Variants in KCNN3 observed in about 807,000 individuals in gnomAD.
KCNN3 encodes the protein potassium calcium-activated channel subfamily N member 3, also known as small conductance calcium-activated potassium channel protein 3.
In KCNN3, 16 loss-of-function variants were observed where a neutral mutation model predicts 62.9. That is an observed-to-expected ratio of 0.25 (90% CI 0.17 to 0.39). The LOEUF (loss-of-function observed/expected upper bound fraction) is 0.39, where lower values mean the gene tolerates loss of function less well. Ranked by LOEUF, KCNN3 falls within the 10% of genes least tolerant of loss-of-function variation. KCNN3 has a pLI of 1.00. For synonymous variants in KCNN3, 370 were observed against 389.2 expected (o/e 0.95, Z 0.58); for missense variants, 599 against 949.4 (o/e 0.63, Z 4.85).
At chr1:154,852,184 C>T (rs1419723179) in intron 1 of KCNN3, among the ~76,000 whole-genome samples, 1 of 151,444 alleles carries the variant, frequency 6.6e-6, no homozygotes, top group Non-Finnish European at 1.5e-5. Flanking sequence ...AGTACGTTTT[C>T]AACAACTTGA....
At chr1:154,771,884 C>A (rs778062667) in intron 3 of KCNN3, 91 bp downstream of exon 3, 29 of 1,294,300 alleles carry the variant, frequency 2.2e-5, no homozygotes, top group African/African-American at 4.4e-5. Context: ...CTGTCTCCTC[C>A]ATCAGACCAC....
chr1:154,841,083 C>G (rs1020042849), intron 1 of KCNN3, among the ~76,000 whole-genome samples: 1 of 152,198 alleles, frequency 6.6e-6, no homozygotes, highest in Admixed American at 6.5e-5. Flanking sequence ...TGAGGCCTGC[C>G]CTAGGGCTGC....
At chr1:154,808,811 G>A (rs1162788959) in intron 2 of KCNN3, among the ~76,000 whole-genome samples, 1 of 152,182 alleles carries the variant, frequency 6.6e-6, no homozygotes, top group Non-Finnish European at 1.5e-5. Flanking sequence ...CTAGCAAGAA[G>A]CACCATAAAG....
At chr1:154,803,154 T>G (rs1347039673) in intron 2 of KCNN3, among the ~76,000 whole-genome samples, 1 of 152,144 alleles carries the variant, frequency 6.6e-6, no homozygotes, top group Non-Finnish European at 1.5e-5. Context: ...CCCCAGGCCC[T>G]AGACACCAAT....
chr1:154,867,720 AC>A (rs947767118), intron 1 of KCNN3, among the ~76,000 whole-genome samples: 2 of 17,904 alleles, frequency 1.1e-4, no homozygotes, highest in Admixed American at 1.0e-3. Flanking sequence ...CCGCCCAGCC[AC>A]CCCCCCACCA....
chr1:154,817,719 C>T (rs150496771), intron 2 of KCNN3, among the ~76,000 whole-genome samples: 12 of 152,306 alleles, frequency 7.9e-5, no homozygotes, highest in African/African-American at 2.9e-4. Context: ...CAGGGCCATT[C>T]ATTAGAGCCA....
chr1:154,755,869 G>A (rs1233177452), intron 3 of KCNN3, among the ~76,000 whole-genome samples: 1 of 138,518 alleles, frequency 7.2e-6, no homozygotes, highest in Admixed American at 7.3e-5. Flanking sequence ...GAAGAAGGAA[G>A]AGGAAGATGA....
chr1:154,844,109 G>A lies in KCNN3; in HGVS notation c.934-21925C>T, dbSNP rs146122689. ...CCAAGGGAGCAAATGAATGTCCCCC[G>A]TTACACACAGATCTGGGCAGACGCC... On this transcript the variant is annotated intron_variant, in intron 1 of 7. Coordinates refer to ENST00000271915, the MANE Select transcript of KCNN3 (RefSeq NM_002249.6). Among the ~76,000 whole-genome samples, 21 of 152,286 alleles carry A rather than the reference G, an allele frequency of 1.4e-4. 1 individual carries two copies. The East Asian group carries it at 4.1e-3, about 29-fold the overall frequency.
At chr1:154,859,865 C>T (rs1276343515) in intron 1 of KCNN3, 5 of 1,542,986 alleles carry the variant, frequency 3.2e-6, no homozygotes, top group Admixed American at 4.1e-5. Flanking sequence ...CTGAGCAGCA[C>T]TCCTGTCCTT....
intron 1 of KCNN3, among the ~76,000 whole-genome samples, chr1:154,844,199 T>C (rs1651951182): frequency 1.3e-5 from 2 of 152,228 alleles, no homozygotes; most frequent in Admixed American, 1.3e-4. Context: ...ATCAAGTGAC[T>C]ACACAGATTT....
intron 7 of KCNN3, among the ~76,000 whole-genome samples, chr1:154,712,905 T>C (rs1188754422): frequency 6.6e-6 from 1 of 152,156 alleles, no homozygotes; most frequent in Non-Finnish European, 1.5e-5. Context: ...GGGCTCTCTT[T>C]TTGGGTATCT....
intron 2 of KCNN3, among the ~76,000 whole-genome samples, chr1:154,795,967 G>T (rs528776171): frequency 6.6e-6 from 1 of 152,316 alleles, no homozygotes; most frequent in East Asian, 1.9e-4. Flanking sequence ...AGGACAAGGA[G>T]GAGCAGCCAA....
Position 154,708,135 on chromosome 1 carries a change from G to T in KCNN3, c.2037C>A (p.Asp679Glu). 1 of 1,613,844 alleles carries T rather than the reference G, an allele frequency of 6.2e-7. No individual in the cohort carries two copies. The highest frequency in any genetic ancestry group is 1.7e-5 in the Admixed American group (1 of 60,034). ...GCTGCTGCTGCTGCTGGCGCAGGGT[G>T]TCGGCGATGAGCAGCGGCAGGGAGT... ...SFNSLPLLIA[D>E]TLRQQQQQLL... is the part of the protein sequence containing the mutation. Residue 679 changes from aspartate (D) to glutamate (E), a missense_variant, in exon 8 of 8, where the codon GAC becomes GAA. By Grantham distance (45) the Asp-to-Glu change is conservative. Transcript: ENST00000271915.
At chr1:154,856,699 G>A (rs1652547991) in intron 1 of KCNN3, among the ~76,000 whole-genome samples, 1 of 152,150 alleles carries the variant, frequency 6.6e-6, no homozygotes, top group African/African-American at 2.4e-5. Flanking sequence ...CCAGCGGCCA[G>A]GTTAGGATTC....
chr1:154,766,416 T>TATATATATATATATATATATATATATA (rs1553231981), intron 3 of KCNN3, among the ~76,000 whole-genome samples: 2 of 71,812 alleles, frequency 2.8e-5, no homozygotes, highest in African/African-American at 5.1e-5. Flanking sequence ...TAGCCAGGCT[T>TATATATATATATATATATATATATATA]TATATATATA....
chr1:154,791,963 A>C (rs1004249848), intron 2 of KCNN3, among the ~76,000 whole-genome samples: 1 of 152,044 alleles, frequency 6.6e-6, no homozygotes, highest in Non-Finnish European at 1.5e-5. Context: ...TTCTGCTTCC[A>C]CTGGCCAGGA....
rs914885726 is a variant in KCNN3, at chr1:154,708,066, C to T, written c.2106G>A (p.Val702=). 1.9e-6 allele frequency: 3 copies of T among 1,613,398 alleles called. No individual in the cohort carries two copies. Among genetic ancestry groups the T allele is most frequent in the African/African-American group, 1.3e-5 (1 of 74,910 alleles). ...IIEARGVSVA[V]GTTHTPISDS... ...CGGAGATTGGGGTGTGGGTGGTGCC[C>T]ACTGCCACGCTGACACCCCGGGCCT... is the stretch of plus-strand genomic sequence containing the variant. Residue 702 remains valine (V), a synonymous_variant, in exon 8 of 8, where the codon GTG becomes GTA. Coordinates refer to ENST00000271915, the MANE Select transcript of KCNN3 (RefSeq NM_002249.6).
chr1:154,716,875 T>C (rs1700243400), intron 5 of KCNN3, among the ~76,000 whole-genome samples: 1 of 152,168 alleles, frequency 6.6e-6, no homozygotes, highest in Non-Finnish European at 1.5e-5. Flanking sequence ...CCTTGCTCTC[T>C]GCAGAGCACA....
At chr1:154,796,708 T>C (rs1649748713) in intron 2 of KCNN3, among the ~76,000 whole-genome samples, 1 of 152,240 alleles carries the variant, frequency 6.6e-6, no homozygotes, top group South Asian at 2.1e-4. Context: ...CCTGCCGCTG[T>C]CAGCATGCCA....
Sources: allele counts gnomAD v4.1 joint callset (sites outside exome capture counted in the v4.1 genomes callset), GRCh38; gene constraint gnomAD v4.1.1; transcripts MANE v1.5; gene names NCBI Gene and HGNC (gene_info 2026-07-23, HGNC 2026-07-21).